The following TCF20 variants were observed in gnomAD, a reference collection of about 807,000 sequenced individuals.
The protein encoded by TCF20 is transcription factor 20.
In TCF20, 3 loss-of-function variants were observed where a neutral mutation model predicts 148.6. The observed-to-expected ratio is 0.02, with a 90% CI of 0.01 to 0.05. The LOEUF (loss-of-function observed/expected upper bound fraction) is 0.05. TCF20 is among the 10% of genes least tolerant of loss of function. The pLI is 1.00. For synonymous variants in TCF20, 1,049 were observed against 909.5 expected (o/e 1.15, Z -2.76); for missense variants, 2,350 against 2,429.3 (o/e 0.97, Z 0.69).
At chr22:42,283,703 C>T (rs1436107578) in intron 1 of TCF20, among the ~76,000 whole-genome samples, 1 of 151,688 alleles carries the variant, frequency 6.6e-6, no homozygotes, top group African/African-American at 2.4e-5. Flanking sequence ...CCGGCGCGGC[C>T]CCTGCCCGCC....
intron 1 of TCF20, among the ~76,000 whole-genome samples, chr22:42,326,000 C>A: frequency 6.6e-6 from 1 of 152,298 alleles, no homozygotes; most frequent in East Asian, 1.9e-4. Flanking sequence ...CACAGGACAT[C>A]TGGCCTGTGC....
intron 2 of TCF20, among the ~76,000 whole-genome samples, chr22:42,186,921 A>G (rs1937073096): frequency 2.0e-5 from 3 of 152,242 alleles, no homozygotes; most frequent in Admixed American, 2.0e-4. Context: ...AACTGCCCCA[A>G]AATGGCATAT....
chr22:42,248,138 G>C (rs1431192419), intron 1 of TCF20, among the ~76,000 whole-genome samples: 3 of 152,188 alleles, frequency 2.0e-5, no homozygotes, highest in Non-Finnish European at 4.4e-5. Context: ...TAATTGCTGT[G>C]AAGGGAGAAC....
chr22:42,246,562 T>G (rs1388809440), intron 1 of TCF20, among the ~76,000 whole-genome samples: 2 of 152,242 alleles, frequency 1.3e-5, no homozygotes, highest in African/African-American at 4.8e-5. Context: ...TCTCTACCTC[T>G]AAAATGATTG....
At chr22:42,173,243 T>TTA (rs60716508) in intron 3 of TCF20, among the ~76,000 whole-genome samples, 20,281 of 137,296 alleles carry the variant, frequency 0.15, 3,081 homozygotes, top group African/African-American at 0.37. Flanking sequence ...ATACATTAAT[T>TTA]AAAAAAAAAA....
chr22:42,294,950 T>G (rs945017699), intron 1 of TCF20, among the ~76,000 whole-genome samples: 1 of 152,170 alleles, frequency 6.6e-6, no homozygotes, highest in Non-Finnish European at 1.5e-5. Context: ...GGAGACATGC[T>G]GGCGCTGGCA....
intron 1 of TCF20, among the ~76,000 whole-genome samples, chr22:42,305,642 C>T (rs1175865934): frequency 1.3e-5 from 2 of 152,182 alleles, no homozygotes; most frequent in African/African-American, 4.8e-5. Flanking sequence ...GGACCACTTT[C>T]CCAGCCACCT....
chr22:42,183,262 A>C (rs1203646207), intron 2 of TCF20, among the ~76,000 whole-genome samples: 7 of 152,088 alleles, frequency 4.6e-5, no homozygotes. Flanking sequence ...GAGCAATCAG[A>C]TCTTGGGATA....
rs182091816 is a variant in TCF20 at position 42,175,159 on chromosome 22, A to G, written c.5749+4450T>C. On this transcript the variant is annotated intron_variant, in intron 3 of 5. Transcript: ENST00000677622. ...CAATATTACGATGTAACTAGAGGTA[A>G]TGAAAATGAGAAAAGGCAACTGGTT... Among the ~76,000 whole-genome samples the G allele has an allele frequency of 3.3e-3, 501 of 152,318 alleles. 4 individuals are homozygous for G. Among genetic ancestry groups the G allele is most frequent in the African/African-American group, 0.012 (488 of 41,570 alleles).
At chr22:42,302,737 C>CA (rs1168834886) in intron 1 of TCF20, among the ~76,000 whole-genome samples, 4 of 152,242 alleles carry the variant, frequency 2.6e-5, no homozygotes, top group Non-Finnish European at 5.9e-5. Flanking sequence ...CCACCCACTA[C>CA]ACTCAAATCA....
intron 1 of TCF20, among the ~76,000 whole-genome samples, chr22:42,216,152 C>T (rs926229618): frequency 1.4e-4 from 18 of 125,310 alleles, no homozygotes; most frequent in African/African-American, 5.7e-4. Flanking sequence ...TGCAGGGGCA[C>T]AGTCGTAGTT....
intron 1 of TCF20, among the ~76,000 whole-genome samples, chr22:42,282,736 G>A (rs961967454): frequency 6.6e-6 from 1 of 152,194 alleles, no homozygotes; most frequent in African/African-American, 2.4e-5. Context: ...GGGGTTGGGA[G>A]AGCTGCCCAG....
In TCF20 at chr22:42,245,541, A is replaced by G. The variant is rs542688008; in HGVS notation, c.-37+24798T>C. Among the ~76,000 whole-genome samples the G allele has an allele frequency of 1.3e-4, 20 of 152,276 alleles. 1 individual carries two copies. Among genetic ancestry groups the G allele is most frequent in the African/African-American group, 4.6e-4 (19 of 41,552 alleles). On this transcript the variant is annotated intron_variant, in intron 1 of 5. Coordinates refer to ENST00000677622, the MANE Select transcript of TCF20 (RefSeq NM_001378418.1). Reference sequence around the variant, plus strand: ...AACTGAGTCCTAGTACTAAAAACTAACCTTTCACCATCATCTTCCTAAAAT... The same window carrying G: ...AACTGAGTCCTAGTACTAAAAACTAGCCTTTCACCATCATCTTCCTAAAAT...
chr22:42,162,172 G>A (rs1166617240), intron 5 of TCF20, among the ~76,000 whole-genome samples: 1 of 151,798 alleles, frequency 6.6e-6, no homozygotes, highest in African/African-American at 2.4e-5. Flanking sequence ...GGAGAGATGT[G>A]GTTTTGCCAT....
chr22:42,323,939 TGGTG>T (rs1569209735), intron 1 of TCF20, among the ~76,000 whole-genome samples: 16 of 120,384 alleles, frequency 1.3e-4, no homozygotes, highest in Non-Finnish European at 2.0e-4. Flanking sequence ...GTGGTGGTGG[TGGTG>T]ATGGAGGTTA....
intron 2 of TCF20, among the ~76,000 whole-genome samples, chr22:42,189,280 C>T (rs1937207889): frequency 6.6e-6 from 1 of 152,164 alleles, no homozygotes; most frequent in Non-Finnish European, 1.5e-5. Context: ...TTGCAGTGAG[C>T]CTGAGTGTGT....
intron 1 of TCF20, among the ~76,000 whole-genome samples, chr22:42,225,022 CAG>C (rs918075944): frequency 1.8e-3 from 215 of 118,546 alleles, no homozygotes; most frequent in African/African-American, 6.6e-3. Context: ...TTTTTTGAGA[CAG>C]AGTCTTACAC....
upstream of TCF20, among the ~76,000 whole-genome samples, chr22:42,287,754 C>A (rs757516996): frequency 6.6e-6 from 1 of 152,118 alleles, no homozygotes; most frequent in African/African-American, 2.4e-5. Flanking sequence ...AAACCAGCCC[C>A]CTTTCAAAGG....
intron 1 of TCF20, among the ~76,000 whole-genome samples, chr22:42,238,229 A>G (rs1375246083): frequency 6.6e-6 from 1 of 152,238 alleles, no homozygotes; most frequent in African/African-American, 2.4e-5. Flanking sequence ...GATGGTTTCA[A>G]GAACTTTAGG....
Sources: gnomAD v4.1 joint callset for allele counts (sites outside exome capture counted in the v4.1 genomes callset) on GRCh38, gnomAD v4.1.1 for gene constraint, MANE v1.5 for transcripts, NCBI Gene and HGNC (gene_info 2026-07-23, HGNC 2026-07-21) for gene names.